Variants in PTPRN observed in about 807,000 individuals in gnomAD.
The protein encoded by PTPRN is receptor-type tyrosine-protein phosphatase-like N.
PTPRN carries 70 observed loss-of-function variants against 108.5 expected under a neutral mutation model. The observed-to-expected ratio is 0.65, with a 90% CI of 0.53 to 0.79. PTPRN has a LOEUF of 0.79. PTPRN is among the 30% of genes least tolerant of loss of function. The pLI is 0.00. For synonymous variants in PTPRN, 496 were observed against 524.6 expected (o/e 0.95, Z 0.75); for missense variants, 1,136 against 1,295.5 (o/e 0.88, Z 1.89).
chr2:219,295,450 T>C, intron 18 of PTPRN: 1 of 280,148 alleles, frequency 3.6e-6, no homozygotes, highest in Non-Finnish European at 6.6e-6. Context: ...GATGAAATTC[T>C]GTAGTATTCT....
chr2:219,290,989 C>T lies in PTPRN; in HGVS notation c.2730-99G>A, dbSNP rs1001510275. On this transcript the variant is annotated intron_variant, in intron 20 of 22. Coordinates refer to ENST00000295718, the MANE Select transcript of PTPRN (RefSeq NM_002846.4). This position sits in a 1 kb window ranked among gnomAD's most constrained non-coding sequence, Gnocchi z 4.2. ...CCTGGAGGCCTGGGGGAGGGGAGGA[C>T]ACTGGGTGACCCGTTGGGGTTGGCT... The T allele has an allele frequency of 6.8e-6, 8 of 1,179,488 alleles. No homozygotes were observed. In the African/African-American group the frequency reaches 1.1e-4, roughly 16 times the overall value. 73.1% of individuals were successfully genotyped at this position (1,179,488 alleles called of 1,614,324 possible).
rs568177233 is a variant in PTPRN, at chr2:219,297,710, C to A, written c.1887+175G>T. On this transcript the variant is annotated intron_variant, in intron 13 of 22. Coordinates refer to ENST00000295718, the MANE Select transcript of PTPRN (RefSeq NM_002846.4). This position sits in a 1 kb window ranked among gnomAD's most constrained non-coding sequence, Gnocchi z 6.0. The stretch of plus-strand genomic sequence containing the variant: ...GCACTGTATGCTCCCAATTCCCATG[C>A]GTTCATAAAGGCCCCTACCATACTC... 6.6e-6 allele frequency among the ~76,000 whole-genome samples: 1 copy of A among 152,150 alleles called. No individual in the cohort carries two copies. The highest frequency in any genetic ancestry group is 6.5e-5 in the Admixed American group (1 of 15,282).
At chr2:219,301,922 C>T (rs1384370839) in intron 6 of PTPRN, among the ~76,000 whole-genome samples, 1 of 152,230 alleles carries the variant, frequency 6.6e-6, no homozygotes, top group East Asian at 1.9e-4. Flanking sequence ...AACTTCAGGA[C>T]ATCTTGACTC....
At position 219,290,223 on chromosome 2, in the gene PTPRN, G is replaced by T. The variant is rs1343973872; in HGVS notation, c.*3C>A. 9.9e-6 allele frequency: 16 copies of T among 1,613,824 alleles called. No individual in the cohort carries two copies. The highest frequency in any genetic ancestry group is 1.3e-5 in the Non-Finnish European group (15 of 1,179,834). On this transcript the variant is annotated 3_prime_UTR_variant, in exon 23 of 23. Coordinates refer to ENST00000295718, the MANE Select transcript of PTPRN (RefSeq NM_002846.4). This position sits in a 1 kb window ranked among gnomAD's most constrained non-coding sequence, Gnocchi z 4.2. ...GGGCTGCCCGCCAAGGGGCCCCAGG[G>T]TCTCACTGGGGCAGGGCCTTGAGGA... is the stretch of plus-strand genomic sequence containing the variant.
At chr2:219,293,750 A>G (rs1172653528) in intron 19 of PTPRN, among the ~76,000 whole-genome samples, 3 of 151,806 alleles carry the variant, frequency 2.0e-5, no homozygotes, top group Admixed American at 2.0e-4. Flanking sequence ...CCATGTCCCC[A>G]CCCCCAGCTC....
Position 219,295,369 on chromosome 2 carries a change from G to A in PTPRN, c.2509-228C>T, listed in dbSNP as rs544901327. 700 of 517,576 alleles carry A rather than the reference G, an allele frequency of 1.4e-3. 1 individual carries two copies. The highest frequency in any genetic ancestry group is 5.4e-3 in the Middle Eastern group (11 of 2,026). 32.1% of individuals were successfully genotyped at this position (517,576 alleles called of 1,614,324 possible). ...GACACAGCTATTGTGAGCCTCTCGA[G>A]GTCGGAGTTTCTCCTCCCTCTTCCT... is the stretch of plus-strand genomic sequence containing the variant. On this transcript the variant is annotated intron_variant, in intron 18 of 22. Coordinates refer to ENST00000295718, the MANE Select transcript of PTPRN (RefSeq NM_002846.4).
At chr2:219,304,414 T>C (rs780242272) in intron 3 of PTPRN, among the ~76,000 whole-genome samples, 2 of 152,144 alleles carry the variant, frequency 1.3e-5, no homozygotes, top group Non-Finnish European at 2.9e-5. Context: ...TCATCTTCAT[T>C]GTCGTCATCA....
At position 219,297,953 on chromosome 2, in the gene PTPRN, G is replaced by C; in HGVS notation, c.1819C>G (p.Gln607Glu). The C allele has an allele frequency of 6.2e-7, 1 of 1,613,658 alleles. No homozygotes were observed. The highest frequency in any genetic ancestry group is 8.5e-7 in the Non-Finnish European group (1 of 1,179,980). ...ALCVRQHARQ[Q>E]DKERLAALGP... ...AGGGCTGCCAGGCGCTCCTTGTCTT[G>C]CTGCCGCGCATGCTGCCGCACACAC... is the stretch of plus-strand genomic sequence containing the variant. Residue 607 changes from glutamine to glutamate, a missense_variant, in exon 13 of 23, where the codon CAA (glutamine) becomes GAA (glutamate). By Grantham distance (29) the Gln-to-Glu change is conservative. Coordinates refer to ENST00000295718, the MANE Select transcript of PTPRN (RefSeq NM_002846.4). The surrounding 1 kb of genome is among the most constrained non-coding windows in gnomAD (Gnocchi z 6.0).
At chr2:219,301,032 C>A (rs1952331890) in intron 7 of PTPRN, 55 bp from the exon 8 acceptor site, 1 of 1,569,512 alleles carries the variant, frequency 6.4e-7, no homozygotes. Context: ...AAGGTCTACA[C>A]AACACAAGTG....
intron 3 of PTPRN, among the ~76,000 whole-genome samples, chr2:219,304,931 C>A (rs1489319616): frequency 3.3e-5 from 5 of 152,206 alleles, no homozygotes; most frequent in African/African-American, 1.2e-4. Context: ...TCTATACTGA[C>A]TGTATCCAAT....
rs762101921 is a variant in PTPRN, at chr2:219,303,722, A to G, written c.377+13T>C. Reference sequence around the variant, plus strand: ...CCTCACCATTGCTAGAGTTGTAGAGAAAGGCTGCCTACCTGTCCCTTGGAC... The same window carrying G: ...CCTCACCATTGCTAGAGTTGTAGAGGAAGGCTGCCTACCTGTCCCTTGGAC... On this transcript the variant is annotated intron_variant, in intron 4 of 22. Transcript: ENST00000295718. 248 of 1,606,630 alleles carry G rather than the reference A, an allele frequency of 1.5e-4. No individual in the cohort carries two copies. The highest frequency in any genetic ancestry group is 2.1e-4 in the Non-Finnish European group (242 of 1,173,492).
In PTPRN at chr2:219,299,789, G is replaced by A. The variant is rs1420295181; in HGVS notation, c.1437-3C>T. The A allele has an allele frequency of 6.2e-7, 1 of 1,604,724 alleles. No individual in the cohort carries two copies. The highest frequency in any genetic ancestry group is 8.5e-7 in the Non-Finnish European group (1 of 1,173,946). On this transcript the variant is annotated splice_polypyrimidine_tract_variant and splice_region_variant and intron_variant, in intron 9 of 22. Coordinates refer to ENST00000295718, the MANE Select transcript of PTPRN (RefSeq NM_002846.4). The stretch of plus-strand genomic sequence containing the variant: ...CTCCTGCAGCCAGGCTCAGGGGCCT[G>A]GAGATGGGAGAAGGCAGAGGAAGGA...
rs1326143009 is a variant in PTPRN at position 219,302,123 on chromosome 2, G to A, written c.994+14C>T. 1 of 1,557,392 alleles carries A rather than the reference G, an allele frequency of 6.4e-7. No individual in the cohort carries two copies. The highest frequency in any genetic ancestry group is 1.8e-5 in the Admixed American group (1 of 54,782). On this transcript the variant is annotated intron_variant, in intron 6 of 22. Transcript: ENST00000295718. ...CAGCCCTCACAGGGAGGTGGATGCTGAGGACCTTGTTACCTGGCTGCACAG... is the reference window on the plus strand; with the variant it reads ...CAGCCCTCACAGGGAGGTGGATGCTAAGGACCTTGTTACCTGGCTGCACAG...
At chr2:219,307,403 C>T (rs758093658) in intron 3 of PTPRN, 41 bp downstream of exon 3, 8 of 1,548,832 alleles carry the variant, frequency 5.2e-6, no homozygotes, top group Non-Finnish European at 7.1e-6. Context: ...CCATAACTAA[C>T]CAAGTTCCAA....
At chr2:219,309,110 T>A in intron 1 of PTPRN, 108 bp downstream of exon 1, 1 of 1,388,992 alleles carries the variant, frequency 7.2e-7, no homozygotes, top group Non-Finnish European at 9.6e-7. Flanking sequence ...CCAACCCATA[T>A]TCTCCCCGAG....
chr2:219,307,550 C>G lies in PTPRN; in HGVS notation c.174G>C (p.Leu58Phe). The stretch of plus-strand genomic sequence containing the variant: ...CCACTCCCACCTGGCACTGCCCAAA[C>G]AAGCCATCTAAGGGCACAAAAGTGG... ...SHLEVCIQDG[L>F]FGQCQVGVGQ... Residue 58 changes from leucine (L) to phenylalanine (F), a missense_variant, in exon 3 of 23, where the codon TTG (leucine) becomes TTC (phenylalanine). Coordinates refer to ENST00000295718, the MANE Select transcript of PTPRN (RefSeq NM_002846.4). The G allele has an allele frequency of 6.2e-7, 1 of 1,613,834 alleles. No homozygotes were observed. Among genetic ancestry groups the G allele is most frequent in the Non-Finnish European group, 8.5e-7 (1 of 1,179,898 alleles).
At position 219,300,314 on chromosome 2, in the gene PTPRN, C is replaced by T. The variant is rs187735152; in HGVS notation, c.1162-55G>A. ...CTGGACAGTGCTGGGGGAAGGGGTA[C>T]CCTGGACTCGGAGCTCTCCACAGTG... On this transcript the variant is annotated intron_variant, in intron 8 of 22. Coordinates refer to ENST00000295718, the MANE Select transcript of PTPRN (RefSeq NM_002846.4). 8.8e-4 allele frequency: 1,324 copies of T among 1,499,062 alleles called. 14 individuals carry two copies. In the African/African-American group the frequency reaches 0.017, roughly 19 times the overall value. 92.9% of individuals were successfully genotyped at this position (1,499,062 alleles called of 1,614,324 possible).
rs17847407 is a variant in PTPRN at position 219,297,149 on chromosome 2, G to T, written c.2089-17C>A. ...CATGTATGCCTGTGGGGGCACCACGGTCTGGCTCTGGCCCACACAGCCAGC... is the reference window on the plus strand; with the variant it reads ...CATGTATGCCTGTGGGGGCACCACGTTCTGGCTCTGGCCCACACAGCCAGC... On this transcript the variant is annotated splice_polypyrimidine_tract_variant and intron_variant, in intron 14 of 22. Coordinates refer to ENST00000295718, the MANE Select transcript of PTPRN (RefSeq NM_002846.4). This position sits in a 1 kb window ranked among gnomAD's most constrained non-coding sequence, Gnocchi z 6.0. The T allele has an allele frequency of 2.3e-4, 373 of 1,613,356 alleles. No individual in the cohort carries two copies. The East Asian group carries it at 7.9e-3, about 34-fold the overall frequency.
chr2:219,298,960 C>T, intron 12 of PTPRN, 87 bp downstream of exon 12: 2 of 1,508,510 alleles, frequency 1.3e-6, no homozygotes, highest in Non-Finnish European at 1.8e-6. Flanking sequence ...CGTTTCGGCT[C>T]CAGTTCTCCC....
Sources: gnomAD v4.1 joint callset for allele counts (sites outside exome capture counted in the v4.1 genomes callset) on GRCh38, gnomAD v4.1.1 for gene constraint, Gnocchi (gnomAD v3.1) non-coding constraint, MANE v1.5 for transcripts, NCBI Gene and HGNC (gene_info 2026-07-23, HGNC 2026-07-21) for gene names.